Variants in MAP4 observed in about 807,000 individuals in gnomAD.
MAP4 encodes microtubule-associated protein 4.
Under a neutral mutation model 170.2 loss-of-function variants are expected in MAP4, and 76 were observed. The ratio of observed to expected loss-of-function variants is 0.45; its 90% CI spans 0.37 to 0.54. MAP4 has a LOEUF of 0.54. Among genes scored for constraint, MAP4 ranks in the 20% least tolerant of loss-of-function variants. MAP4 has a pLI of 0.00. For missense variants in MAP4, 2,506 were observed against 2,748.0 expected, an observed-to-expected ratio of 0.91 and a Z score of 1.97; for synonymous variants, 909 against 994.5, an observed-to-expected ratio of 0.91 and a Z score of 1.62.
intron 2 of MAP4, among the ~76,000 whole-genome samples, chr3:47,985,302 G>A (rs1046902683): frequency 6.6e-6 from 1 of 151,874 alleles, no homozygotes; most frequent in Admixed American, 6.6e-5. Flanking sequence ...ACCAGGCATG[G>A]TGGTGCATGC....
chr3:47,885,851 C>A (rs2097508485), intron 10 of MAP4, among the ~76,000 whole-genome samples: 1 of 151,998 alleles, frequency 6.6e-6, no homozygotes, highest in Admixed American at 6.5e-5. Flanking sequence ...GCCTCAGCCT[C>A]CCGAGTAGCC....
intron 1 of MAP4, among the ~76,000 whole-genome samples, chr3:48,049,727 T>C (rs1189610430): frequency 6.6e-6 from 1 of 151,492 alleles, no homozygotes; most frequent in Non-Finnish European, 1.5e-5. Flanking sequence ...CGTCAGGAGT[T>C]TGAGACCAGC....
intron 17 of MAP4, among the ~76,000 whole-genome samples, chr3:47,863,032 A>G (rs2070782101): frequency 6.6e-6 from 1 of 150,610 alleles, no homozygotes; most frequent in African/African-American, 2.5e-5. Flanking sequence ...GCTGGAGTGC[A>G]ATGGCACAAT....
intron 17 of MAP4, among the ~76,000 whole-genome samples, chr3:47,865,039 T>G (rs977777267): frequency 1.3e-5 from 2 of 152,192 alleles, no homozygotes; most frequent in African/African-American, 4.8e-5. Flanking sequence ...CCAGGAAAGA[T>G]GGCTCACAGT....
At chr3:47,853,104 C>A (rs1177033429) in intron 20 of MAP4, 59 bp downstream of exon 20, 2 of 1,613,640 alleles carry the variant, frequency 1.2e-6, no homozygotes, top group Non-Finnish European at 1.7e-6. Context: ...AAAGGAGTTT[C>A]AATTTGCGGC....
At chr3:47,863,808 G>A (rs2073305694) in intron 17 of MAP4, among the ~76,000 whole-genome samples, 1 of 151,702 alleles carries the variant, frequency 6.6e-6, no homozygotes, top group Non-Finnish European at 1.5e-5. Flanking sequence ...CTCATCAAGG[G>A]GTATGTCTGT....
At chr3:47,865,070 TAAGG>T (rs2077007777) in intron 17 of MAP4, among the ~76,000 whole-genome samples, 1 of 152,230 alleles carries the variant, frequency 6.6e-6, no homozygotes, top group Middle Eastern at 3.4e-3. Flanking sequence ...ATTCTCTGTT[TAAGG>T]AAGCCTCCTA....
rs11345368 is a variant in MAP4, at chr3:48,050,258, CAA to C, written c.-20+38513_-20+38514del. Among the ~76,000 whole-genome samples, 189 of 120,556 alleles carry C rather than the reference CAA, an allele frequency of 1.6e-3. 1 individual carries two copies. The highest frequency in any genetic ancestry group is 2.8e-3 in the Admixed American group (34 of 11,958). 79.1% of individuals were successfully genotyped at this position (120,556 alleles called of 152,430 possible). A position where few individuals can be genotyped will look rare whatever the true frequency, so the allele number is the denominator to read the frequency against. The stretch of plus-strand genomic sequence containing the variant: ...CTGGCAAAAGAGCGAGACTCCATCT[CAA>C]AAAAAAAAAAAAAATAGTAAAGTCA... On this transcript the variant is annotated intron_variant, in intron 1 of 18. Transcript: ENST00000360240.
intron 10 of MAP4, among the ~76,000 whole-genome samples, chr3:47,887,314 C>T (rs769875724): frequency 2.6e-5 from 4 of 152,244 alleles, no homozygotes; most frequent in Admixed American, 6.5e-5. Context: ...CCAGCCAGCC[C>T]TGCTGGCCCC....
chr3:47,893,295 T>C (rs1336960142), intron 10 of MAP4, among the ~76,000 whole-genome samples: 1 of 152,218 alleles, frequency 6.6e-6, no homozygotes, highest in Non-Finnish European at 1.5e-5. Flanking sequence ...ATACCCCTTA[T>C]GCATTTACGC....
At chr3:47,979,926 G>A (rs1469173763) in intron 2 of MAP4, among the ~76,000 whole-genome samples, 2 of 152,106 alleles carry the variant, frequency 1.3e-5, no homozygotes, top group African/African-American at 4.8e-5. Context: ...TCAGGCTCAA[G>A]CAATCCTCCC....
Position 48,062,409 on chromosome 3 carries a change from C to T in MAP4, c.-20+26364G>A, listed in dbSNP as rs2100136126. On this transcript the variant is annotated intron_variant, in intron 1 of 18. Transcript: ENST00000360240. ...TAGGAAAACCAGAGACCTTTGTTCA[C>T]TTGTTTATCTGCTGACCTTCCCTCC... is the stretch of plus-strand genomic sequence containing the variant. Among the ~76,000 whole-genome samples, 4 of 145,724 alleles carry T rather than the reference C, an allele frequency of 2.7e-5. No homozygotes were observed. In the South Asian group the frequency reaches 6.6e-4, roughly 24 times the overall value.
At chr3:47,940,140 A>T (rs2100055377) in intron 3 of MAP4, among the ~76,000 whole-genome samples, 1 of 152,090 alleles carries the variant, frequency 6.6e-6, no homozygotes, top group African/African-American at 2.4e-5. Flanking sequence ...ACCTGGCCCA[A>T]ATCTGGTTTT....
At position 47,950,079 on chromosome 3, in the gene MAP4, A is replaced by T. The variant is rs567660938; in HGVS notation, c.293-21729T>A. ...ACAGACTACAGCTTTACCTCCTCAAAAGGTCTGAATCTCCGCCTTGGGTAG... is the reference window on the plus strand; with the variant it reads ...ACAGACTACAGCTTTACCTCCTCAATAGGTCTGAATCTCCGCCTTGGGTAG... On this transcript the variant is annotated intron_variant, in intron 3 of 20. Transcript: ENST00000683076. Among the ~76,000 whole-genome samples the T allele has an allele frequency of 1.1e-4, 17 of 152,180 alleles. No homozygotes were observed. In the South Asian group the frequency reaches 3.5e-3, roughly 32 times the overall value.
intron 1 of MAP4, among the ~76,000 whole-genome samples, chr3:48,054,629 CAAAAAAAAAAAAAA>C (rs745809251): frequency 2.0e-4 from 8 of 39,540 alleles, no homozygotes; most frequent in Admixed American, 7.8e-4. Flanking sequence ...GACTCCATCT[CAAAAAAAAAAAAAA>C]AAAAAAAAAA....
chr3:47,917,233 T>C, intron 6 of MAP4, 59 bp from the exon 7 acceptor site: 1 of 1,402,182 alleles, frequency 7.1e-7, no homozygotes, highest in African/African-American at 1.4e-5. Context: ...TAAAAATGCT[T>C]ACTTTCTTCA....
intron 3 of MAP4, among the ~76,000 whole-genome samples, chr3:47,952,057 T>A (rs2100064522): frequency 1.4e-5 from 2 of 141,220 alleles, no homozygotes; most frequent in Non-Finnish European, 3.0e-5. Flanking sequence ...GTCTGGGAGG[T>A]GAGGAGCGTC....
chr3:48,018,334 T>TA (rs2100108843), upstream of MAP4, among the ~76,000 whole-genome samples: 1 of 152,004 alleles, frequency 6.6e-6, no homozygotes, highest in African/African-American at 2.4e-5. Flanking sequence ...GCCAAAATGA[T>TA]AAAAACCAAC....
chr3:47,882,067 T>C (rs984903476), intron 10 of MAP4, among the ~76,000 whole-genome samples: 2 of 152,162 alleles, frequency 1.3e-5, no homozygotes, highest in African/African-American at 4.8e-5. Flanking sequence ...TCACCTGAAG[T>C]CAGGAGTTGG....
Sources: allele counts gnomAD v4.1 joint callset (sites outside exome capture counted in the v4.1 genomes callset), GRCh38; gene constraint gnomAD v4.1.1; transcripts MANE v1.5; gene names NCBI Gene and HGNC (gene_info 2026-07-23, HGNC 2026-07-21).